The following BLOC1S1 variants were observed in gnomAD, a reference collection of about 807,000 sequenced individuals.
BLOC1S1 encodes the protein biogenesis of lysosomal organelles complex 1 subunit 1.
BLOC1S1 carries 11 observed loss-of-function variants against 19.0 expected under a neutral mutation model. That is an observed-to-expected ratio of 0.58 (90% confidence interval 0.37 to 0.96). BLOC1S1 has a LOEUF of 0.96. Among genes scored for constraint, BLOC1S1 ranks in the 40% least tolerant of loss-of-function variants. The pLI is 0.01. For synonymous variants in BLOC1S1, 94 were observed against 76.4 expected, an observed-to-expected ratio of 1.23 and a Z score of -1.20; for missense variants, 220 against 195.9, an observed-to-expected ratio of 1.12 and a Z score of -0.73.
rs777904559 is a variant in BLOC1S1 at position 55,719,490 on chromosome 12, C to A, written c.352-9C>A. On this transcript the variant is annotated splice_polypyrimidine_tract_variant and intron_variant, in intron 3 of 3. Coordinates refer to ENST00000548925, the MANE Select transcript of BLOC1S1 (RefSeq NM_001487.4). ...TTCCTGGGCTCCCACCTCCTCTCCCCCTTCCCAGGAAATTGGGGATGTGGA... is the reference window on the plus strand; with the variant it reads ...TTCCTGGGCTCCCACCTCCTCTCCCACTTCCCAGGAAATTGGGGATGTGGA... The A allele has an allele frequency of 6.2e-6, 10 of 1,613,234 alleles. No homozygotes were observed. Among genetic ancestry groups the A allele is most frequent in the Admixed American group, 1.7e-5 (1 of 60,008 alleles).
chr12:55,719,393 C>T, intron 3 of BLOC1S1, 106 bp from the exon 4 acceptor site: 1 of 1,440,190 alleles, frequency 6.9e-7, no homozygotes, highest in Non-Finnish European at 9.7e-7. Flanking sequence ...TTGGTGGGTC[C>T]AAGTAAAGCC....
chr12:55,717,898 G>T (rs1055983930), intron 2 of BLOC1S1, among the ~76,000 whole-genome samples: 6 of 152,162 alleles, frequency 3.9e-5, no homozygotes, highest in African/African-American at 1.2e-4. Context: ...TCTCAGGGGA[G>T]TCTGTTTCAG....
intron 3 of BLOC1S1, 91 bp downstream of exon 3, chr12:55,719,314 G>C: frequency 6.3e-7 from 1 of 1,599,488 alleles, no homozygotes; most frequent in Non-Finnish European, 8.6e-7. Flanking sequence ...TAAGGAGGAA[G>C]TAGGGTGGTC....
intron 3 of BLOC1S1, 101 bp from the exon 4 acceptor site, chr12:55,719,398 A>G: frequency 1.4e-6 from 2 of 1,458,634 alleles, no homozygotes; most frequent in Non-Finnish European, 1.9e-6. Flanking sequence ...GGGTCCAAGT[A>G]AAGCCTTTTC....
At chr12:55,719,364 G>A (rs538805451) in intron 3 of BLOC1S1, 135 bp from the exon 4 acceptor site, 18 of 1,493,592 alleles carry the variant, frequency 1.2e-5, no homozygotes, top group Non-Finnish European at 1.7e-5. Context: ...AGAAAAGGTA[G>A]AGAAAGAAAG....
intron 2 of BLOC1S1, among the ~76,000 whole-genome samples, chr12:55,718,367 G>C (rs993539416): frequency 2.0e-5 from 3 of 152,206 alleles, no homozygotes; most frequent in African/African-American, 4.8e-5. Flanking sequence ...TATTGCAGGG[G>C]TTGGGGAGGG....
Position 55,718,976 on chromosome 12 carries a change from C to T in BLOC1S1, c.219-115C>T, listed in dbSNP as rs1876772478. The T allele has an allele frequency of 2.9e-6, 4 of 1,393,674 alleles. No individual in the cohort carries two copies. In the South Asian group the frequency reaches 5.9e-5, roughly 20 times the overall value. 86.3% of individuals were successfully genotyped at this position (1,393,674 alleles called of 1,614,324 possible). On this transcript the variant is annotated intron_variant, in intron 2 of 3. Transcript: ENST00000548925. ...TCATTTGCATCACATCCAAAAATGG[C>T]CAAAATTATGAGCCCTGATTCTTGG...
chr12:55,718,665 G>A (rs1876753395), intron 2 of BLOC1S1, among the ~76,000 whole-genome samples: 1 of 152,084 alleles, frequency 6.6e-6, no homozygotes, highest in African/African-American at 2.4e-5. Context: ...CTTCAGGGAG[G>A]GGCCCAATTT....
chr12:55,718,161 G>T (rs375532802), intron 2 of BLOC1S1, among the ~76,000 whole-genome samples: 2 of 152,148 alleles, frequency 1.3e-5, no homozygotes, highest in South Asian at 4.1e-4. Flanking sequence ...CTCATTCCCC[G>T]GAAAGGAAAA....
In BLOC1S1 at chr12:55,716,182, G is replaced by C; in HGVS notation, c.131G>C (p.Arg44Pro). ...GAACACCAGGCCAAGCAGAATGAAC[G>C]CAAGGAGCTGCAGGGTGAGCCAAAT... ...LKEHQAKQNE[R>P]KELQEKRRRE... Residue 44 changes from arginine (R) to proline (P), a missense_variant, in exon 1 of 4, where the codon CGC (arginine) becomes CCC (proline). By Grantham distance (103) the Arg-to-Pro change is moderately radical (BLOSUM62 -2). Coordinates refer to ENST00000548925, the MANE Select transcript of BLOC1S1 (RefSeq NM_001487.4). The C allele has an allele frequency of 6.2e-7, 1 of 1,610,500 alleles. No individual in the cohort carries two copies. The highest frequency in any genetic ancestry group is 2.2e-5 in the East Asian group (1 of 44,598).
chr12:55,717,019 A>G lies in BLOC1S1; in HGVS notation c.218+14A>G, dbSNP rs1157332308. ...CCTCAATGTGGGGTATGGACCTCTT[A>G]TCAACATCAGTTTCCTCCTTCCCCA... On this transcript the variant is annotated intron_variant, in intron 2 of 3. Coordinates refer to ENST00000548925, the MANE Select transcript of BLOC1S1 (RefSeq NM_001487.4). The G allele has an allele frequency of 1.3e-6, 2 of 1,564,302 alleles. No individual in the cohort carries two copies. Among genetic ancestry groups the G allele is most frequent in the Admixed American group, 4.0e-5 (2 of 50,454 alleles).
intron 2 of BLOC1S1, 118 bp downstream of exon 2, chr12:55,717,123 A>G (rs2136132896): frequency 5.3e-6 from 4 of 748,324 alleles, no homozygotes; most frequent in Middle Eastern, 3.8e-4. Flanking sequence ...TAATTCCCCT[A>G]TCCTACCCCG....
chr12:55,718,974 G>A, intron 2 of BLOC1S1, 117 bp from the exon 3 acceptor site: 6 of 1,367,628 alleles, frequency 4.4e-6, no homozygotes, highest in East Asian at 5.0e-5. Context: ...ATCCAAAAAT[G>A]GCCAAAATTA....
chr12:55,717,129 C>A, intron 2 of BLOC1S1, 124 bp downstream of exon 2: 1 of 680,260 alleles, frequency 1.5e-6, no homozygotes, highest in Non-Finnish European at 2.4e-6. Context: ...CCCTATCCTA[C>A]CCCGCCCCTC....
At position 55,719,479 on chromosome 12, in the gene BLOC1S1, C is replaced by T. The variant is rs752876626; in HGVS notation, c.352-20C>T. The T allele has an allele frequency of 1.2e-6, 2 of 1,609,328 alleles. No homozygotes were observed. Among genetic ancestry groups the T allele is most frequent in the Admixed American group, 1.7e-5 (1 of 60,020 alleles). On this transcript the variant is annotated intron_variant, in intron 3 of 3. Transcript: ENST00000548925. ...ACCCATTCTGATTCCTGGGCTCCCA[C>T]CTCCTCTCCCCCTTCCCAGGAAATT...
chr12:55,716,817 G>A, intron 1 of BLOC1S1, 116 bp from the exon 2 acceptor site: 1 of 1,282,544 alleles, frequency 7.8e-7, no homozygotes, highest in East Asian at 2.7e-5. Flanking sequence ...GGCATTCAGA[G>A]ATTAGTTAAG....
At chr12:55,717,331 G>T (rs373716801) in intron 2 of BLOC1S1, among the ~76,000 whole-genome samples, 71 of 152,294 alleles carry the variant, frequency 4.7e-4, no homozygotes, top group African/African-American at 1.6e-3. Context: ...GCAGGAGGGA[G>T]AGCACCCTCC....
In BLOC1S1 at chr12:55,719,146, C is replaced by G; in HGVS notation, c.274C>G (p.Gln92Glu). The change falls in exon 3 of 4, where the codon CAG (glutamine) becomes GAG (glutamate). Residue 92 changes from glutamine to glutamate, a missense_variant. Transcript: ENST00000548925. ...GCTGGACCATGAGGTGAAGACCCTA[C>G]AGGTCCAGGCTGCCCAATTTGCCAA... ...RKLDHEVKTLQVQAAQFAKQT... is the reference protein window; with the variant it reads ...RKLDHEVKTLEVQAAQFAKQT... 4 of 1,613,934 alleles carry G rather than the reference C, an allele frequency of 2.5e-6. No individual in the cohort carries two copies. The highest frequency in any genetic ancestry group is 3.4e-6 in the Non-Finnish European group (4 of 1,180,010).
At position 55,719,670 on chromosome 12, in the gene BLOC1S1, C is replaced by CT; in HGVS notation, c.*62dup. ...TCACCCGCAGGGGGAAGGAGGGAGG[C>CT]TGACAAGCCTTGAATAAAACACAAG... On this transcript the variant is annotated 3_prime_UTR_variant, in exon 4 of 4. Coordinates refer to ENST00000548925, the MANE Select transcript of BLOC1S1 (RefSeq NM_001487.4). The CT allele has an allele frequency of 7.1e-7, 1 of 1,409,056 alleles. No homozygotes were observed. The highest frequency in any genetic ancestry group is 1.0e-6 in the Non-Finnish European group (1 of 1,001,398). 87.3% of individuals were successfully genotyped at this position (1,409,056 alleles called of 1,614,324 possible).
Sources: gnomAD v4.1 joint callset for allele counts (sites outside exome capture counted in the v4.1 genomes callset) on GRCh38, gnomAD v4.1.1 for gene constraint, MANE v1.5 for transcripts, NCBI Gene and HGNC (gene_info 2026-07-23, HGNC 2026-07-21) for gene names.